Variants in HDAC9 observed in about 807,000 individuals in gnomAD.
HDAC9 encodes the protein histone deacetylase 9, also known as MEF-2 interacting transcription repressor (MITR) protein.
HDAC9 carries 41 observed loss-of-function variants against 139.4 expected under a neutral mutation model. That is an observed-to-expected ratio of 0.29 (90% CI 0.23 to 0.38). HDAC9 has a LOEUF of 0.38. Among genes scored for constraint, HDAC9 ranks in the 10% least tolerant of loss-of-function variants. HDAC9 has a pLI of 1.00. For synonymous variants in HDAC9, 517 were observed against 476.2 expected, an observed-to-expected ratio of 1.09 and a Z score of -1.12; for missense variants, 1,147 against 1,297.0, an observed-to-expected ratio of 0.88 and a Z score of 1.78.
intron 11 of HDAC9, among the ~76,000 whole-genome samples, chr7:18,655,260 C>A (rs1018994712): frequency 2.0e-5 from 3 of 152,060 alleles, no homozygotes; most frequent in Admixed American, 2.0e-4. Flanking sequence ...TTTTAATCAC[C>A]AATTTAGGAT....
intron 1 of HDAC9, among the ~76,000 whole-genome samples, chr7:18,472,244 TGCTAAGAAATGACA>T (rs1235352419): frequency 6.6e-6 from 1 of 152,186 alleles, no homozygotes; most frequent in Non-Finnish European, 1.5e-5. Flanking sequence ...TCAAATTCCA[TGCTAAGAAATGACA>T]CAGATCATCT....
intron 5 of HDAC9, among the ~76,000 whole-genome samples, chr7:18,592,927 A>G (rs1831398484): frequency 1.3e-5 from 2 of 152,168 alleles, no homozygotes; most frequent in Non-Finnish European, 1.5e-5. Flanking sequence ...AAACAGCTAC[A>G]TGCAAAGAAT....
intron 2 of HDAC9, among the ~76,000 whole-genome samples, chr7:18,181,117 C>G (rs1789395605): frequency 1.3e-5 from 2 of 151,880 alleles, no homozygotes; most frequent in African/African-American, 4.8e-5. Flanking sequence ...TTTTTTTTCC[C>G]TAAGAGGTAA....
intron 2 of HDAC9, among the ~76,000 whole-genome samples, chr7:18,566,989 T>C (rs1163812021): frequency 6.6e-6 from 1 of 152,140 alleles, no homozygotes; most frequent in African/African-American, 2.4e-5. Flanking sequence ...TCAGGTCAAG[T>C]GTGTCGCAAG....
intron 12 of HDAC9, among the ~76,000 whole-genome samples, chr7:18,714,323 C>A (rs1301647584): frequency 1.3e-5 from 2 of 152,198 alleles, no homozygotes; most frequent in Admixed American, 6.5e-5. Context: ...TTGTTCTTAT[C>A]AACCCTGTTA....
At chr7:18,431,523 A>T (rs1343547286) in intron 1 of HDAC9, among the ~76,000 whole-genome samples, 2 of 152,208 alleles carry the variant, frequency 1.3e-5, no homozygotes, top group African/African-American at 4.8e-5. Context: ...ATGCATGTGT[A>T]TTATTTCCCC....
chr7:18,587,865 G>A lies in HDAC9; in HGVS notation c.264+2343G>A, dbSNP rs1829898324. 2.0e-5 allele frequency among the ~76,000 whole-genome samples: 3 copies of A among 152,318 alleles called. 1 individual carries two copies. In the South Asian group the frequency reaches 6.2e-4, roughly 32 times the overall value. ...TGAATAGTAGTGGTAATTAAATTGT[G>A]TGCTTTTCTAGATTCCTATGAAAGA... is the stretch of plus-strand genomic sequence containing the variant. On this transcript the variant is annotated intron_variant, in intron 3 of 25. Coordinates refer to ENST00000686413, the MANE Select transcript of HDAC9 (RefSeq NM_178425.4).
chr7:18,485,117 G>T (rs957825464), intron 1 of HDAC9, among the ~76,000 whole-genome samples: 1 of 152,084 alleles, frequency 6.6e-6, no homozygotes, highest in African/African-American at 2.4e-5. Context: ...ACATTAGTTG[G>T]GGGGAACACA....
chr7:18,295,964 A>G (rs1798115208), intron 1 of HDAC9, among the ~76,000 whole-genome samples: 1 of 152,164 alleles, frequency 6.6e-6, no homozygotes, highest in South Asian at 2.1e-4. Context: ...AGACCTGCTC[A>G]GTGCCTTGGC....
At chr7:18,515,594 G>T (rs938732838) in intron 2 of HDAC9, among the ~76,000 whole-genome samples, 1 of 152,130 alleles carries the variant, frequency 6.6e-6, no homozygotes, top group African/African-American at 2.4e-5. Context: ...CTTCTATTTT[G>T]TCAGTGAGAT....
chr7:18,542,129 G>A (rs1489785666), intron 2 of HDAC9, among the ~76,000 whole-genome samples: 2 of 152,070 alleles, frequency 1.3e-5, no homozygotes, highest in East Asian at 1.9e-4. Context: ...ATAAGACCCC[G>A]GGGCAATAAA....
intron 2 of HDAC9, among the ~76,000 whole-genome samples, chr7:18,233,057 A>G (rs1793572811): frequency 6.6e-6 from 1 of 152,106 alleles, no homozygotes; most frequent in Non-Finnish European, 1.5e-5. Context: ...TTGCCCCCAA[A>G]CAGCCTTTAA....
At chr7:18,107,600 A>G (rs1463129460) in intron 1 of HDAC9, among the ~76,000 whole-genome samples, 2 of 152,292 alleles carry the variant, frequency 1.3e-5, no homozygotes, top group African/African-American at 4.8e-5. Context: ...AAAAAGTGAG[A>G]TTTAAAACTT....
At chr7:18,901,187 CTG>C (rs1801670482) in intron 22 of HDAC9, among the ~76,000 whole-genome samples, 1 of 148,916 alleles carries the variant, frequency 6.7e-6, no homozygotes, top group South Asian at 2.1e-4. Flanking sequence ...CTTTCTCTCT[CTG>C]TATATATACT....
intron 2 of HDAC9, among the ~76,000 whole-genome samples, chr7:18,263,613 CT>C (rs33938966): frequency 1.6e-4 from 24 of 146,388 alleles, no homozygotes; most frequent in Non-Finnish European, 1.9e-4. Context: ...TTATAATTGA[CT>C]TTTTTTTTTT....
intron 2 of HDAC9, among the ~76,000 whole-genome samples, chr7:18,497,281 A>T (rs766337584): frequency 6.6e-6 from 1 of 152,148 alleles, no homozygotes; most frequent in African/African-American, 2.4e-5. Context: ...CTTAATCGTA[A>T]TTATAGATCA....
chr7:18,310,838 A>G (rs1053122567), intron 1 of HDAC9, among the ~76,000 whole-genome samples: 1 of 151,304 alleles, frequency 6.6e-6, no homozygotes, highest in Non-Finnish European at 1.5e-5. Context: ...ACACACACAC[A>G]CACACACACA....
chr7:18,194,254 A>T (rs577222446), intron 2 of HDAC9, among the ~76,000 whole-genome samples: 4 of 152,110 alleles, frequency 2.6e-5, no homozygotes, highest in East Asian at 1.9e-4. Flanking sequence ...GCTTTTTTAC[A>T]TATCTCTGTA....
chr7:18,264,433 A>T (rs1795876801), intron 2 of HDAC9, among the ~76,000 whole-genome samples: 1 of 152,206 alleles, frequency 6.6e-6, no homozygotes, highest in African/African-American at 2.4e-5. Context: ...TAGGTCAAAG[A>T]ACAAAGCAGG....
Sources: gnomAD v4.1 joint callset for allele counts (sites outside exome capture counted in the v4.1 genomes callset) on GRCh38, gnomAD v4.1.1 for gene constraint, MANE v1.5 for transcripts, NCBI Gene and HGNC (gene_info 2026-07-23, HGNC 2026-07-21) for gene names.